The following TMPRSS5 variants were observed in gnomAD, a reference collection of about 807,000 sequenced individuals.
TMPRSS5 encodes the protein transmembrane serine protease 5.
Under a neutral mutation model 59.7 loss-of-function variants are expected in TMPRSS5, and 45 were observed. The observed-to-expected ratio is 0.75, with a 90% CI of 0.59 to 0.97. The LOEUF is 0.97. TMPRSS5 is among the 50% of genes least tolerant of loss of function. TMPRSS5 has a pLI of 0.00. For synonymous variants in TMPRSS5, 225 were observed against 232.0 expected, an observed-to-expected ratio of 0.97 and a Z score of 0.27; for missense variants, 585 against 596.7, an observed-to-expected ratio of 0.98 and a Z score of 0.20.
chr11:113,691,892 C>CTTTCTTTTTT lies in TMPRSS5; in HGVS notation c.965-954_965-953insAAAAAAGAAA, dbSNP rs779169914. ...AGAAAGTTTTCTTTTCCTTTTTTTT[C>CTTTCTTTTTT]TTTTTTTTTTTTTGAGACGGAGTCT... On this transcript the variant is annotated intron_variant, in intron 9 of 12. Transcript: ENST00000299882. Among the ~76,000 whole-genome samples the CTTTCTTTTTT allele has an allele frequency of 6.0e-4, 73 of 121,110 alleles. 4 individuals are homozygous for CTTTCTTTTTT. The highest frequency in any genetic ancestry group is 2.6e-3 in the African/African-American group (72 of 27,490). 79.5% of individuals were successfully genotyped at this position (121,110 alleles called of 152,430 possible). A position where few individuals can be genotyped will look rare whatever the true frequency, so the allele number is the denominator to read the frequency against.
chr11:113,699,542 C>G (rs560745558), intron 3 of TMPRSS5, 53 bp downstream of exon 3: 471 of 1,456,028 alleles, frequency 3.2e-4, no homozygotes, highest in Non-Finnish European at 4.0e-4. Context: ...TGCTCAGCAC[C>G]TGCTTCTCCC....
Position 113,700,095 on chromosome 11 carries a change from C to A in TMPRSS5, c.77G>T (p.Arg26Ile). ...AEEGPGPGIF[R>I]AEPGDQQHPI... is the part of the protein sequence containing the mutation. ...ATGCTGCTGGTCTCCAGGCTCTGCT[C>A]TGAAGATCCCAGGTCCTGGGCCCTC... The change falls in exon 2 of 13, where the codon AGA (arginine) becomes ATA (isoleucine). Residue 26 changes from arginine to isoleucine, a missense_variant. Physicochemically the swap from Arg to Ile is moderately conservative, Grantham distance 97 (BLOSUM62 -3). Coordinates refer to ENST00000299882, the MANE Select transcript of TMPRSS5 (RefSeq NM_030770.4). 6.3e-7 allele frequency: 1 copy of A among 1,576,492 alleles called. No individual in the cohort carries two copies. Among genetic ancestry groups the A allele is most frequent in the Non-Finnish European group, 8.6e-7 (1 of 1,160,592 alleles).
At position 113,689,746 on chromosome 11, in the gene TMPRSS5, C is replaced by T. The variant is rs1415376654; in HGVS notation, c.1359+19G>A. On this transcript the variant is annotated intron_variant, in intron 12 of 12. Transcript: ENST00000299882. ...GTCCTTTAGAAATCTCCCTGCCCTA[C>T]TCCTGCCCCCACACTCACCTGAGCA... The T allele has an allele frequency of 6.2e-7, 1 of 1,606,012 alleles. No homozygotes were observed. Among genetic ancestry groups the T allele is most frequent in the Non-Finnish European group, 8.5e-7 (1 of 1,176,440 alleles).
chr11:113,698,434 G>A (rs1028741376), intron 4 of TMPRSS5, among the ~76,000 whole-genome samples: 7 of 152,212 alleles, frequency 4.6e-5, no homozygotes, highest in African/African-American at 1.7e-4. Context: ...ATTCTAATGA[G>A]GTTATTCTAA....
At chr11:113,699,251 C>G (rs1953034337) in intron 3 of TMPRSS5, among the ~76,000 whole-genome samples, 3 of 84,638 alleles carry the variant, frequency 3.5e-5, no homozygotes, top group African/African-American at 2.1e-4. Flanking sequence ...CTCTCTCTCT[C>G]TCTCTCTCTC....
chr11:113,693,262 G>A lies in TMPRSS5; in HGVS notation c.786-13C>T, dbSNP rs752073977. 6.5e-7 allele frequency: 1 copy of A among 1,529,810 alleles called. No homozygotes were observed. Among genetic ancestry groups the A allele is most frequent in the South Asian group, 1.3e-5 (1 of 77,954 alleles). 94.8% of individuals were successfully genotyped at this position (1,529,810 alleles called of 1,614,324 possible). A position where few individuals can be genotyped will look rare whatever the true frequency, so the allele number is the denominator to read the frequency against. On this transcript the variant is annotated splice_polypyrimidine_tract_variant and intron_variant, in intron 8 of 12. Transcript: ENST00000299882. ...GGCCAGCCTGAAACTGCACACAGGG[G>A]CCATGCTGAGCGGGGAAGGAAGGGG...
rs1952655471 is a variant in TMPRSS5, at chr11:113,688,098, G to C, written c.*162C>G. 8.5e-7 allele frequency: 1 copy of C among 1,182,422 alleles called. No homozygotes were observed. The highest frequency in any genetic ancestry group is 1.1e-6 in the Non-Finnish European group (1 of 905,454). 73.2% of individuals were successfully genotyped at this position (1,182,422 alleles called of 1,614,324 possible). A position where few individuals can be genotyped will look rare whatever the true frequency, so the allele number is the denominator to read the frequency against. ...CCCAAGAGGAGAGACCTGTTGGCTG[G>C]GTGGCTGGCCAGTGGGTAGTGACTG... On this transcript the variant is annotated 3_prime_UTR_variant, in exon 13 of 13. Coordinates refer to ENST00000299882, the MANE Select transcript of TMPRSS5 (RefSeq NM_030770.4).
rs17115826 is a variant in TMPRSS5, at chr11:113,688,123, G to A, written c.*137C>T. 0.074 allele frequency: 99,959 copies of A among 1,345,938 alleles called. 4,509 individuals carry two copies. The highest frequency in any genetic ancestry group is 0.21 in the African/African-American group (13,751 of 66,838). The allele number at this position is 1,345,938 out of a possible 1,614,324, so 83.4% of individuals were successfully genotyped here. A position where few individuals can be genotyped will look rare whatever the true frequency, so the allele number is the denominator to read the frequency against. On this transcript the variant is annotated 3_prime_UTR_variant, in exon 13 of 13. Coordinates refer to ENST00000299882, the MANE Select transcript of TMPRSS5 (RefSeq NM_030770.4). The stretch of plus-strand genomic sequence containing the variant: ...GGTGGCTGGCCAGTGGGTAGTGACT[G>A]TTCCTCACACACAGTAGTAGGAGGT...
rs536241278 is a variant in TMPRSS5, at chr11:113,699,928, A to T, written c.106+138T>A. On this transcript the variant is annotated intron_variant, in intron 2 of 12. Coordinates refer to ENST00000299882, the MANE Select transcript of TMPRSS5 (RefSeq NM_030770.4). ...AAAGTGGGAAATGGGGAGCAGAAGC[A>T]GGTCTGGGGATAAAGAGTGAGACAG... 1.5e-5 allele frequency: 23 copies of T among 1,521,144 alleles called. No individual in the cohort carries two copies. The East Asian group carries it at 5.1e-4, about 34-fold the overall frequency. 94.2% of individuals were successfully genotyped at this position (1,521,144 alleles called of 1,614,324 possible).
At chr11:113,700,406 C>T (rs1015863115) in intron 1 of TMPRSS5, among the ~76,000 whole-genome samples, 1 of 152,186 alleles carries the variant, frequency 6.6e-6, no homozygotes, top group Non-Finnish European at 1.5e-5. Flanking sequence ...GTAGCAAACA[C>T]TTGAATGCAG....
chr11:113,704,463 C>T (rs1439552984), intron 1 of TMPRSS5, among the ~76,000 whole-genome samples: 1 of 152,128 alleles, frequency 6.6e-6, no homozygotes, highest in Admixed American at 6.5e-5. Context: ...TTGTGGCCTT[C>T]AGGATCAAAC....
intron 11 of TMPRSS5, 51 bp downstream of exon 11, chr11:113,690,180 T>TCCCCC: frequency 1.1e-5 from 2 of 187,980 alleles, no homozygotes; most frequent in South Asian, 4.6e-5. Context: ...CCCCCTGCCC[T>TCCCCC]CCCACCCCCA....
In TMPRSS5 at chr11:113,699,201, TTGTCTGTC is replaced by T. The variant is rs1165420636; in HGVS notation, c.206-182_206-175del. ...CTATCTCTGCCTCTTTGACTCTCCT[TTGTCTGTC>T]TGTCTCTCTCTCTCTCTCTCTCTCT... On this transcript the variant is annotated intron_variant, in intron 3 of 12. Coordinates refer to ENST00000299882, the MANE Select transcript of TMPRSS5 (RefSeq NM_030770.4). Among the ~76,000 whole-genome samples the T allele has an allele frequency of 5.6e-4, 36 of 63,912 alleles. 8 individuals carry two copies. Among genetic ancestry groups the T allele is most frequent in the African/African-American group, 2.0e-3 (23 of 11,632 alleles). The allele number at this position is 63,912 out of a possible 152,430, so 41.9% of individuals were successfully genotyped here. A position where few individuals can be genotyped will look rare whatever the true frequency, so the allele number is the denominator to read the frequency against.
At chr11:113,697,200 G>A (rs1010009326) in intron 5 of TMPRSS5, 83 bp downstream of exon 5, 5 of 1,527,152 alleles carry the variant, frequency 3.3e-6, no homozygotes, top group Admixed American at 1.9e-5. Context: ...ATTGACCAGT[G>A]ACGGGCAGGT....
chr11:113,690,176 G>GCCCCCCCCCCCCCCCCCCCCCCCCCCCCC, intron 11 of TMPRSS5, 55 bp downstream of exon 11: 3 of 388,230 alleles, frequency 7.7e-6, no homozygotes, highest in East Asian at 4.7e-5. Flanking sequence ...CAGGCCCCCT[G>GCCCCCCCCCCCCCCCCCCCCCCCCCCCCC]CCCTCCCACC....
At position 113,688,320 on chromosome 11, in the gene TMPRSS5, T is replaced by G. The variant is rs758437933; in HGVS notation, c.1360-46A>C. 6 of 1,343,196 alleles carry G rather than the reference T, an allele frequency of 4.5e-6. No homozygotes were observed. In the South Asian group the frequency reaches 7.6e-5, roughly 17 times the overall value. 83.2% of individuals were successfully genotyped at this position (1,343,196 alleles called of 1,614,324 possible). A position where few individuals can be genotyped will look rare whatever the true frequency, so the allele number is the denominator to read the frequency against. On this transcript the variant is annotated intron_variant, in intron 12 of 12. Coordinates refer to ENST00000299882, the MANE Select transcript of TMPRSS5 (RefSeq NM_030770.4). Reference sequence around the variant, plus strand: ...ACTGATTCACAGCATGGCTCTACACTAGCCAAGCGACTTTTATTTTAGTAA... The same window carrying G: ...ACTGATTCACAGCATGGCTCTACACGAGCCAAGCGACTTTTATTTTAGTAA...
At chr11:113,690,176 G>GGCCCAC in intron 11 of TMPRSS5, 55 bp downstream of exon 11, 1 of 388,228 alleles carries the variant, frequency 2.6e-6, no homozygotes, top group Non-Finnish European at 4.2e-6. Context: ...CAGGCCCCCT[G>GGCCCAC]CCCTCCCACC....
At chr11:113,704,154 GT>G (rs1953220855) in intron 1 of TMPRSS5, among the ~76,000 whole-genome samples, 1 of 152,120 alleles carries the variant, frequency 6.6e-6, no homozygotes, top group Non-Finnish European at 1.5e-5. Flanking sequence ...TATGTCATAT[GT>G]GTGTCTGCAG....
At chr11:113,700,024 T>C (rs758861473) in intron 2 of TMPRSS5, 42 bp downstream of exon 2, 2 of 1,551,622 alleles carry the variant, frequency 1.3e-6, no homozygotes, top group East Asian at 2.4e-5. Flanking sequence ...TGCCCTCCAC[T>C]GTCCCCACCC....
Sources: allele counts gnomAD v4.1 joint callset (sites outside exome capture counted in the v4.1 genomes callset), GRCh38; gene constraint gnomAD v4.1.1; transcripts MANE v1.5; gene names NCBI Gene and HGNC (gene_info 2026-07-23, HGNC 2026-07-21).